The following SMARCAL1 variants were observed in gnomAD, a reference collection of about 807,000 sequenced individuals.
SMARCAL1 encodes the protein ATP-driven annealing helicase.
A neutral mutation model predicts 94.5 loss-of-function variants in SMARCAL1; 58 were observed. The observed-to-expected ratio is 0.61, with a 90% CI of 0.50 to 0.76. The LOEUF (loss-of-function observed/expected upper bound fraction) is 0.76. SMARCAL1 is among the 30% of genes least tolerant of loss of function. The probability of loss-of-function intolerance (pLI) is 0.00; values close to 1 mark genes in which losing one functional copy is unlikely to be tolerated. For missense variants in SMARCAL1, 1,051 were observed against 1,177.9 expected (o/e 0.89, Z 1.58); for synonymous variants, 422 against 455.1 (o/e 0.93, Z 0.93).
Position 216,414,213 on chromosome 2 carries a change from G to A in SMARCAL1, c.-59+321G>A, listed in dbSNP as rs138001209. On this transcript the variant is annotated intron_variant, in intron 2 of 17. Transcript: ENST00000357276. The stretch of plus-strand genomic sequence containing the variant: ...GTTCTTGTTGCCCAGGCTGGAGTGC[G>A]GTGGCACGATCTTGGCTTACTGCAA... 2.2e-3 allele frequency: 347 copies of A among 154,644 alleles called. 1 individual carries two copies. The highest frequency in any genetic ancestry group is 8.0e-3 in the African/African-American group (332 of 41,396). The allele number at this position is 154,644 out of a possible 1,614,324, so 9.6% of individuals were successfully genotyped here. A position where few individuals can be genotyped will look rare whatever the true frequency, so the allele number is the denominator to read the frequency against.
At chr2:216,476,313 GT>G (rs34418359) in intron 15 of SMARCAL1, among the ~76,000 whole-genome samples, 3 of 149,262 alleles carry the variant, frequency 2.0e-5, no homozygotes, top group South Asian at 2.1e-4. Flanking sequence ...ATGTTAGGTG[GT>G]TTTTTTTTTC....
At chr2:216,469,064 A>T (rs1694899658) in intron 14 of SMARCAL1, among the ~76,000 whole-genome samples, 1 of 151,986 alleles carries the variant, frequency 6.6e-6, no homozygotes, top group Admixed American at 6.6e-5. Context: ...CAGTATTCTA[A>T]CTTTATTCCC....
chr2:216,450,000 C>T (rs1426760168), intron 11 of SMARCAL1, among the ~76,000 whole-genome samples: 2 of 152,046 alleles, frequency 1.3e-5, no homozygotes, highest in Non-Finnish European at 2.9e-5. Context: ...ACCACGCCGG[C>T]TAATTTTTGT....
At chr2:216,434,205 C>T (rs897972015) in intron 8 of SMARCAL1, among the ~76,000 whole-genome samples, 2 of 152,004 alleles carry the variant, frequency 1.3e-5, no homozygotes, top group African/African-American at 4.8e-5. Flanking sequence ...AAGAGTCAGC[C>T]AGACGGTGAC....
In SMARCAL1 at chr2:216,432,963, TA is replaced by T. The variant is rs1198388567; in HGVS notation, c.1485+97del. ...TTTGCAGACAGGGCCTAGGGATCTT[TA>T]AGGATCCTGTCTCAAGTAAAGGCAA... On this transcript the variant is annotated intron_variant, in intron 8 of 17. Coordinates refer to ENST00000357276, the MANE Select transcript of SMARCAL1 (RefSeq NM_014140.4). 14 of 1,493,500 alleles carry T rather than the reference TA, an allele frequency of 9.4e-6. No individual in the cohort carries two copies. The Admixed American group carries it at 1.5e-4, about 16-fold the overall frequency. 92.5% of individuals were successfully genotyped at this position (1,493,500 alleles called of 1,614,324 possible). A position where few individuals can be genotyped will look rare whatever the true frequency, so the allele number is the denominator to read the frequency against.
chr2:216,475,166 C>A lies in SMARCAL1; in HGVS notation c.2245-103C>A. 8.4e-7 allele frequency: 1 copy of A among 1,190,468 alleles called. No homozygotes were observed. The highest frequency in any genetic ancestry group is 1.2e-6 in the Non-Finnish European group (1 of 810,684). The allele number at this position is 1,190,468 out of a possible 1,614,324, so 73.7% of individuals were successfully genotyped here. A position where few individuals can be genotyped will look rare whatever the true frequency, so the allele number is the denominator to read the frequency against. ...AAAGCTCTGAAGGCAGGGGCCTCTG[C>A]TGAGCTGGAACCTGGTTCTGTGCTG... On this transcript the variant is annotated intron_variant, in intron 14 of 17. Coordinates refer to ENST00000357276, the MANE Select transcript of SMARCAL1 (RefSeq NM_014140.4). This position sits in a 1 kb window ranked among gnomAD's most constrained non-coding sequence, Gnocchi z 4.4.
chr2:216,416,234 A>T, intron 3 of SMARCAL1, 23 bp from the exon 4 acceptor site: 1 of 1,610,604 alleles, frequency 6.2e-7, no homozygotes, highest in Non-Finnish European at 8.5e-7. Flanking sequence ...GTCAACAGTC[A>T]TCAGTCCTCT....
At chr2:216,462,735 C>T (rs554972891) in intron 12 of SMARCAL1, among the ~76,000 whole-genome samples, 1 of 151,994 alleles carries the variant, frequency 6.6e-6, no homozygotes, top group South Asian at 2.1e-4. Context: ...CCTGTAATCC[C>T]AGCACTGTAG....
chr2:216,452,990 T>G (rs927868345), intron 12 of SMARCAL1, among the ~76,000 whole-genome samples: 4 of 152,202 alleles, frequency 2.6e-5, no homozygotes, highest in African/African-American at 9.7e-5. Flanking sequence ...TATTTTTATA[T>G]TTTCTTGCTT....
Position 216,415,301 on chromosome 2 carries a change from T to C in SMARCAL1, c.597T>C (p.Pro199=), listed in dbSNP as rs758479373. Residue 199 remains proline (P), a synonymous_variant, in exon 3 of 18, where the codon CCT becomes CCC. Transcript: ENST00000357276. ...AGGCCAAGACAGCAAAAGCCTCCCC[T>C]TCGGGGCAGAACATTTCTTACATCC... ...KLEAKTAKAS[P]SGQNISYIHS... 2.5e-6 allele frequency: 4 copies of C among 1,614,238 alleles called. No homozygotes were observed. Among genetic ancestry groups the C allele is most frequent in the Admixed American group, 1.7e-5 (1 of 60,030 alleles).
intron 10 of SMARCAL1, chr2:216,446,719 GT>G (rs1415845747): frequency 1.8e-6 from 1 of 550,298 alleles, no homozygotes; most frequent in African/African-American, 1.9e-5. Context: ...GAAAATAAAG[GT>G]GAATACAGCC....
chr2:216,441,812 T>C (rs1238201222), intron 10 of SMARCAL1, among the ~76,000 whole-genome samples: 1 of 152,138 alleles, frequency 6.6e-6, no homozygotes, highest in African/African-American at 2.4e-5. Context: ...CCCACATGAC[T>C]CCGCCCTCAG....
intron 12 of SMARCAL1, among the ~76,000 whole-genome samples, chr2:216,456,778 T>A (rs112049913): frequency 0.053 from 7,997 of 152,224 alleles, 299 homozygotes; most frequent in African/African-American, 0.11. Flanking sequence ...AGGAAGAAAC[T>A]GCATCAACTA....
intron 11 of SMARCAL1, among the ~76,000 whole-genome samples, chr2:216,450,009 GTA>G (rs769283037): frequency 7.9e-5 from 12 of 152,052 alleles, no homozygotes; most frequent in Non-Finnish European, 1.3e-4. Context: ...GCTAATTTTT[GTA>G]TGTTTAGTAG....
chr2:216,438,362 C>T, intron 9 of SMARCAL1, 58 bp from the exon 10 acceptor site: 1 of 1,447,942 alleles, frequency 6.9e-7, no homozygotes, highest in East Asian at 2.3e-5. Context: ...TAAAGTGACC[C>T]ATATTTCTGT....
intron 12 of SMARCAL1, among the ~76,000 whole-genome samples, chr2:216,451,957 A>G (rs1049916762): frequency 6.6e-6 from 1 of 152,238 alleles, no homozygotes; most frequent in East Asian, 1.9e-4. Context: ...TACAAAATAA[A>G]TAAGAATGAC....
Position 216,456,461 on chromosome 2 carries a change from C to T in SMARCAL1, c.2070+5397C>T, listed in dbSNP as rs531076137. Reference sequence around the variant, plus strand: ...AGCCAGAGAGAAAGGTTGGGTTACCCACAAAGGGAAGCCCATCAGACTAAC... The same window carrying T: ...AGCCAGAGAGAAAGGTTGGGTTACCTACAAAGGGAAGCCCATCAGACTAAC... On this transcript the variant is annotated intron_variant, in intron 12 of 17. Coordinates refer to ENST00000357276, the MANE Select transcript of SMARCAL1 (RefSeq NM_014140.4). 2.6e-5 allele frequency among the ~76,000 whole-genome samples: 4 copies of T among 152,266 alleles called. No homozygotes were observed. The East Asian group carries it at 5.8e-4, about 22-fold the overall frequency.
Position 216,420,287 on chromosome 2 carries a change from C to T in SMARCAL1, c.863-12C>T, listed in dbSNP as rs1249067960. 1.9e-6 allele frequency: 3 copies of T among 1,607,748 alleles called. No homozygotes were observed. ...GCTTTATCACTTCTGTTCGATTCTT[C>T]TTCTTTGGCAGTGAAAGCAGCCCAG... is the stretch of plus-strand genomic sequence containing the variant. On this transcript the variant is annotated splice_polypyrimidine_tract_variant and intron_variant, in intron 4 of 17. Coordinates refer to ENST00000357276, the MANE Select transcript of SMARCAL1 (RefSeq NM_014140.4).
intron 12 of SMARCAL1, among the ~76,000 whole-genome samples, chr2:216,457,303 A>T (rs900527299): frequency 5.9e-5 from 9 of 152,238 alleles, no homozygotes; most frequent in Non-Finnish European, 1.2e-4. Flanking sequence ...TAACAAGGAT[A>T]TCCTGGAATT....
Sources: allele counts gnomAD v4.1 joint callset (sites outside exome capture counted in the v4.1 genomes callset), GRCh38; gene constraint gnomAD v4.1.1; non-coding constraint Gnocchi (gnomAD v3.1); transcripts MANE v1.5; gene names NCBI Gene and HGNC (gene_info 2026-07-23, HGNC 2026-07-21).